The following GRID1 variants were observed in gnomAD, a reference collection of about 807,000 sequenced individuals.
The protein encoded by GRID1 is glutamate ionotropic receptor delta type subunit 1.
GRID1 carries 28 observed loss-of-function variants against 98.0 expected under a neutral mutation model. The ratio of observed to expected loss-of-function variants is 0.29; its 90% CI spans 0.21 to 0.39. The LOEUF is 0.39. Among genes scored for constraint, GRID1 ranks in the 10% least tolerant of loss-of-function variants. The probability of loss-of-function intolerance (pLI) is 1.00; values close to 1 mark genes in which losing one functional copy is unlikely to be tolerated. For missense variants in GRID1, 1,111 were observed against 1,340.5 expected, an observed-to-expected ratio of 0.83 and a Z score of 2.67; for synonymous variants, 553 against 538.5, an observed-to-expected ratio of 1.03 and a Z score of -0.37.
At chr10:86,274,328 T>C (rs1847233129) in intron 2 of GRID1, among the ~76,000 whole-genome samples, 1 of 152,240 alleles carries the variant, frequency 6.6e-6, no homozygotes, top group Admixed American at 6.5e-5. Context: ...GTAGTATAGT[T>C]TGAAGTCAGA....
At chr10:86,225,696 C>T (rs994748707) in intron 2 of GRID1, among the ~76,000 whole-genome samples, 3 of 152,134 alleles carry the variant, frequency 2.0e-5, no homozygotes, top group African/African-American at 7.2e-5. Context: ...GAAAGAACTG[C>T]TAAGGACCAG....
rs954334295 is a variant in GRID1, at chr10:85,983,424, G to A, written c.727-67185C>T. Among the ~76,000 whole-genome samples, 8 of 152,332 alleles carry A rather than the reference G, an allele frequency of 5.3e-5. No homozygotes were observed. The East Asian group carries it at 1.3e-3, about 26-fold the overall frequency. ...CCCAGCCTTGAGCAGGCTCCACCCG[G>A]CCCTGTGGTAACTCCCCAGTTCACA... On this transcript the variant is annotated intron_variant, in intron 4 of 15. Transcript: ENST00000327946.
intron 4 of GRID1, among the ~76,000 whole-genome samples, chr10:86,021,654 G>T (rs1173816139): frequency 2.0e-5 from 3 of 152,018 alleles, no homozygotes; most frequent in African/African-American, 7.2e-5. Context: ...TCAGTACCAT[G>T]TTTGTTACAA....
rs1846691180 is a variant in GRID1 at position 86,244,555 on chromosome 10, G to A, written c.236-37907C>T. On this transcript the variant is annotated intron_variant, in intron 2 of 15. Coordinates refer to ENST00000327946, the MANE Select transcript of GRID1 (RefSeq NM_017551.3). ...ATTATGCTAAGCAGCGCGCCTGCAA[G>A]GAGGCTGCCACCCCCTCGTTAATCA... Among the ~76,000 whole-genome samples the A allele has an allele frequency of 2.0e-5, 3 of 152,370 alleles. No homozygotes were observed. The South Asian group carries it at 6.2e-4, about 32-fold the overall frequency.
At position 86,206,697 on chromosome 10, in the gene GRID1, T is replaced by C; in HGVS notation, c.236-49A>G. On this transcript the variant is annotated intron_variant, in intron 2 of 15. Transcript: ENST00000327946. The surrounding 1 kb of genome is among the most constrained non-coding windows in gnomAD (Gnocchi z 4.1). ...GAAGGGGTCAGCATCAGGGCGATGC[T>C]GCACCAGCTTCAACCTGCAGGCCCC... 6.5e-7 allele frequency: 1 copy of C among 1,544,044 alleles called. No individual in the cohort carries two copies. Among genetic ancestry groups the C allele is most frequent in the East Asian group, 2.3e-5 (1 of 44,074 alleles).
intron 6 of GRID1, among the ~76,000 whole-genome samples, chr10:85,864,341 G>A (rs976128024): frequency 6.6e-6 from 1 of 152,206 alleles, no homozygotes; most frequent in African/African-American, 2.4e-5. Flanking sequence ...AGGGCACAGT[G>A]GATGCAGGGA....
At chr10:85,980,395 G>C (rs1177330563) in intron 4 of GRID1, among the ~76,000 whole-genome samples, 1 of 152,216 alleles carries the variant, frequency 6.6e-6, no homozygotes, top group Non-Finnish European at 1.5e-5. Flanking sequence ...TAGATACAAG[G>C]AAACTTATGT....
intron 4 of GRID1, among the ~76,000 whole-genome samples, chr10:86,054,898 G>A (rs80087896): frequency 0.027 from 4,157 of 152,212 alleles, 158 homozygotes; most frequent in African/African-American, 0.084. Flanking sequence ...GACTTTCTTT[G>A]GCCAATAGAA....
At chr10:86,066,586 G>A (rs1254007681) in intron 4 of GRID1, among the ~76,000 whole-genome samples, 2 of 152,190 alleles carry the variant, frequency 1.3e-5, no homozygotes, top group Non-Finnish European at 2.9e-5. Context: ...AGCTCAGCAA[G>A]TTCCTTAACC....
At chr10:85,685,517 T>C (rs1053109234) in intron 12 of GRID1, among the ~76,000 whole-genome samples, 3 of 152,178 alleles carry the variant, frequency 2.0e-5, no homozygotes, top group Admixed American at 6.5e-5. Context: ...AATGAAACTA[T>C]CTATGGTAAT....
chr10:86,347,649 C>T (rs1176764732), intron 2 of GRID1, among the ~76,000 whole-genome samples: 7 of 152,206 alleles, frequency 4.6e-5, no homozygotes, highest in South Asian at 4.1e-4. Flanking sequence ...GGTGTGGAGA[C>T]GGAGGCAGAG....
At chr10:86,107,893 C>G (rs1312491832) in intron 4 of GRID1, among the ~76,000 whole-genome samples, 2 of 152,184 alleles carry the variant, frequency 1.3e-5, no homozygotes, top group Non-Finnish European at 2.9e-5. Flanking sequence ...CTTGCTCCCC[C>G]ATCTGCTGAG....
chr10:85,727,766 G>T (rs1369093648), intron 10 of GRID1, 89 bp downstream of exon 10: 6 of 965,484 alleles, frequency 6.2e-6, no homozygotes, highest in Non-Finnish European at 9.9e-6. Flanking sequence ...CTGGTCCCAA[G>T]GTTTCCACTG....
At chr10:86,039,969 C>T (rs1843322743) in intron 4 of GRID1, among the ~76,000 whole-genome samples, 1 of 152,158 alleles carries the variant, frequency 6.6e-6, no homozygotes, top group African/African-American at 2.4e-5. Context: ...CACTCTCCCC[C>T]TGTGGATCAG....
intron 3 of GRID1, among the ~76,000 whole-genome samples, chr10:86,205,867 A>T (rs1182563796): frequency 6.6e-6 from 1 of 151,916 alleles, no homozygotes; most frequent in Non-Finnish European, 1.5e-5. Context: ...CCAACCCCCA[A>T]CCCCAGCCTG....
rs571556938 is a variant in GRID1 at position 85,869,103 on chromosome 10, C to T, written c.858G>A (p.Pro286=). 54 of 1,613,898 alleles carry T rather than the reference C, an allele frequency of 3.3e-5. No homozygotes were observed. The highest frequency in any genetic ancestry group is 3.3e-4 in the South Asian group (30 of 91,072). The change falls in exon 6 of 16, where the codon CCG becomes CCA. Residue 286 remains proline (P), a synonymous_variant. Transcript: ENST00000327946. ...GRMTVVRQIF[P]SAKDNQKCTR... is the part of the protein sequence containing the mutation. ...TGCATTTCTGATTGTCCTTTGCAGA[C>T]GGAAAGATTTGCCGGACCACGGTCA...
chr10:85,619,687 C>T (rs1842835193), intron 14 of GRID1, among the ~76,000 whole-genome samples, 180 bp downstream of exon 14: 1 of 152,198 alleles, frequency 6.6e-6, no homozygotes, highest in African/African-American at 2.4e-5. Context: ...TGGCAGGGAC[C>T]ATATACTTCC....
rs554761262 is a variant in GRID1, at chr10:85,953,459, T to A, written c.727-37220A>T. 2.6e-5 allele frequency among the ~76,000 whole-genome samples: 4 copies of A among 152,072 alleles called. No individual in the cohort carries two copies. In the South Asian group the frequency reaches 8.3e-4, roughly 32 times the overall value. On this transcript the variant is annotated intron_variant, in intron 4 of 15. Transcript: ENST00000327946. ...GATGAAATAATCTGAACAACAAAAG[T>A]TATATGTAAATTTTTGACTATGTAG...
At chr10:86,092,857 G>T (rs1266392775) in intron 4 of GRID1, among the ~76,000 whole-genome samples, 4 of 152,152 alleles carry the variant, frequency 2.6e-5, no homozygotes, top group Non-Finnish European at 5.9e-5. Context: ...AGAAACAATG[G>T]ATTTAAACTA....
Sources: gnomAD v4.1 joint callset for allele counts (sites outside exome capture counted in the v4.1 genomes callset) on GRCh38, gnomAD v4.1.1 for gene constraint, Gnocchi (gnomAD v3.1) non-coding constraint, MANE v1.5 for transcripts, NCBI Gene and HGNC (gene_info 2026-07-23, HGNC 2026-07-21) for gene names.